The following SNX9 variants were observed in gnomAD, a reference collection of about 807,000 sequenced individuals.
SNX9 encodes the protein sorting nexin 9, also known as sorting nexin-9.
In SNX9, 44 loss-of-function variants were observed where a neutral mutation model predicts 89.4. That is an observed-to-expected ratio of 0.49 (90% CI 0.39 to 0.63). The LOEUF (loss-of-function observed/expected upper bound fraction) is 0.63. Among genes scored for constraint, SNX9 ranks in the 30% least tolerant of loss-of-function variants. The pLI is 0.00. For missense variants in SNX9, 578 were observed against 736.1 expected, an observed-to-expected ratio of 0.79 and a Z score of 2.49; for synonymous variants, 236 against 247.8, an observed-to-expected ratio of 0.95 and a Z score of 0.45.
intron 1 of SNX9, among the ~76,000 whole-genome samples, chr6:157,843,699 G>A (rs562895321): frequency 6.6e-6 from 1 of 152,168 alleles, no homozygotes; most frequent in South Asian, 2.1e-4. Context: ...GACAGCTATG[G>A]TCTTTGTGTA....
At chr6:157,840,057 TGG>T (rs749992890) in intron 1 of SNX9, among the ~76,000 whole-genome samples, 1 of 151,436 alleles carries the variant, frequency 6.6e-6, no homozygotes, top group African/African-American at 2.4e-5. Flanking sequence ...TGAGGGAAGG[TGG>T]GGGTGTCTTT....
chr6:157,831,704 G>C (rs1185519062), intron 1 of SNX9, among the ~76,000 whole-genome samples: 1 of 152,146 alleles, frequency 6.6e-6, no homozygotes, highest in East Asian at 1.9e-4. Flanking sequence ...TGGCCTCTCC[G>C]GAGCCTTTCC....
chr6:157,832,761 A>G (rs1781501002), intron 1 of SNX9, among the ~76,000 whole-genome samples: 1 of 152,188 alleles, frequency 6.6e-6, no homozygotes, highest in Non-Finnish European at 1.5e-5. Flanking sequence ...AACTGCCCCC[A>G]TGATTCAATT....
intron 9 of SNX9, among the ~76,000 whole-genome samples, chr6:157,915,140 T>C (rs1173736420): frequency 6.6e-6 from 1 of 152,236 alleles, no homozygotes; most frequent in Non-Finnish European, 1.5e-5. Context: ...TCTATTCTGC[T>C]CCATTGATTT....
intron 4 of SNX9, among the ~76,000 whole-genome samples, chr6:157,889,170 CCT>C (rs1342183836): frequency 3.3e-5 from 5 of 152,098 alleles, no homozygotes; most frequent in Non-Finnish European, 4.4e-5. Context: ...GTGGCTCACG[CCT>C]GTAATCCCAG....
intron 5 of SNX9, among the ~76,000 whole-genome samples, chr6:157,897,619 C>G (rs1783007216): frequency 6.6e-6 from 1 of 152,124 alleles, no homozygotes; most frequent in Non-Finnish European, 1.5e-5. Context: ...GTGATTCTCT[C>G]ACCTCAGCCT....
At chr6:157,929,208 G>T (rs1243652575) in intron 12 of SNX9, among the ~76,000 whole-genome samples, 1 of 152,148 alleles carries the variant, frequency 6.6e-6, no homozygotes, top group Non-Finnish European at 1.5e-5. Context: ...AGAACTTCCT[G>T]CCTCCCTCCT....
chr6:157,873,749 T>A (rs1409875268), intron 3 of SNX9, among the ~76,000 whole-genome samples: 1 of 152,134 alleles, frequency 6.6e-6, no homozygotes, highest in African/African-American at 2.4e-5. Context: ...TAGATTTTTT[T>A]AAGTGCATAT....
rs75587153 is a variant in SNX9, at chr6:157,867,616, A to C, written c.82A>C (p.Ile28Leu). The C allele has an allele frequency of 1.9e-4, 304 of 1,611,694 alleles. 2 individuals carry two copies. In the East Asian group the frequency reaches 6.8e-3, roughly 36 times the overall value. Residue 28 changes from isoleucine to leucine, a missense_variant, in exon 2 of 18, where the codon ATC (isoleucine) becomes CTC (leucine). Physicochemically the swap from Ile to Leu is conservative, Grantham distance 5 (BLOSUM62 2). Coordinates refer to ENST00000392185, the MANE Select transcript of SNX9 (RefSeq NM_016224.5). ...NELTVNEGEI[I>L]TITNPDVGGG... is the part of the protein sequence containing the mutation. ...ACTGACGGTTAATGAAGGAGAAATC[A>C]TCACAATCACAAATCCGGTAAGAGA...
At chr6:157,838,343 T>G (rs1021139685) in intron 1 of SNX9, among the ~76,000 whole-genome samples, 10 of 152,000 alleles carry the variant, frequency 6.6e-5, no homozygotes, top group African/African-American at 2.4e-4. Context: ...TTCAACAGTC[T>G]CTCTCTAGAA....
At chr6:157,887,823 C>T (rs1255912988) in intron 4 of SNX9, among the ~76,000 whole-genome samples, 1 of 152,104 alleles carries the variant, frequency 6.6e-6, no homozygotes, top group African/African-American at 2.4e-5. Context: ...GAGAGTTGCG[C>T]CTGAAAAGGA....
intron 4 of SNX9, among the ~76,000 whole-genome samples, chr6:157,877,681 C>T (rs1247329160): frequency 2.0e-5 from 3 of 152,126 alleles, no homozygotes; most frequent in African/African-American, 7.2e-5. Flanking sequence ...CTCCCAGGGT[C>T]GGTTTTGTTT....
At chr6:157,836,352 C>T (rs763841048) in intron 1 of SNX9, among the ~76,000 whole-genome samples, 4 of 152,190 alleles carry the variant, frequency 2.6e-5, no homozygotes, top group Non-Finnish European at 4.4e-5. Flanking sequence ...CTCCCCTCTT[C>T]TCTGATTCAT....
intron 1 of SNX9, among the ~76,000 whole-genome samples, chr6:157,855,465 C>T (rs1049997531): frequency 1.3e-5 from 2 of 152,160 alleles, no homozygotes; most frequent in Non-Finnish European, 2.9e-5. Context: ...TACCAAATTG[C>T]CTCTTCTGTT....
chr6:157,902,329 G>C (rs1783122382), intron 6 of SNX9, among the ~76,000 whole-genome samples: 1 of 151,946 alleles, frequency 6.6e-6, no homozygotes, highest in Admixed American at 6.6e-5. Context: ...ACATATTAAG[G>C]TTTCATTGCT....
At chr6:157,919,007 AAT>A (rs1783529147) in intron 9 of SNX9, among the ~76,000 whole-genome samples, 1 of 152,144 alleles carries the variant, frequency 6.6e-6, no homozygotes, top group Non-Finnish European at 1.5e-5. Context: ...ATTAGAAAAA[AAT>A]ATATCTATAG....
In SNX9 at chr6:157,921,562, C is replaced by T. The variant is rs935538782; in HGVS notation, c.981C>T (p.Arg327=). Residue 327 remains arginine, a synonymous_variant, in exon 10 of 18, where the codon CGC becomes CGT. Coordinates refer to ENST00000392185, the MANE Select transcript of SNX9 (RefSeq NM_016224.5). ...TTGAAGAGGAATTTATCAAAATGCG[C>T]ATGGAGAGACTTCAGGCCTGGATGA... ...GRFEEEFIKM[R]MERLQAWMTR... is the part of the protein sequence containing the mutation. 7.4e-6 allele frequency: 12 copies of T among 1,613,734 alleles called. No individual in the cohort carries two copies. The highest frequency in any genetic ancestry group is 8.5e-6 in the Non-Finnish European group (10 of 1,179,916).
At position 157,944,806 on chromosome 6, in the gene SNX9, T is replaced by C. The variant is rs143517131; in HGVS notation, c.*1968T>C. ...CAAAGTGAAAAAGGGATGGGGGAAA[T>C]GGAGATGGCACGGGCTCCTCAGAGC... On this transcript the variant is annotated 3_prime_UTR_variant, in exon 18 of 18. Transcript: ENST00000392185. The C allele has an allele frequency of 9.3e-4, 141 of 152,196 alleles. No homozygotes were observed. The highest frequency in any genetic ancestry group is 3.0e-3 in the African/African-American group (123 of 41,506). The allele number at this position is 152,196 out of a possible 1,614,324, so 9.4% of individuals were successfully genotyped here.
chr6:157,922,661 C>T (rs1483060641), intron 10 of SNX9, among the ~76,000 whole-genome samples: 1 of 152,108 alleles, frequency 6.6e-6, no homozygotes, highest in East Asian at 1.9e-4. Context: ...TTGACTATTT[C>T]TAGAATTGAC....
Sources: gnomAD v4.1 joint callset for allele counts (sites outside exome capture counted in the v4.1 genomes callset) on GRCh38, gnomAD v4.1.1 for gene constraint, MANE v1.5 for transcripts, NCBI Gene and HGNC (gene_info 2026-07-23, HGNC 2026-07-21) for gene names.